Variants in ASB3 observed in about 807,000 individuals in gnomAD.
ASB3 encodes ankyrin repeat and SOCS box containing 3, also known as ankyrin repeat and SOCS box protein 3.
Under a neutral mutation model 54.5 loss-of-function variants are expected in ASB3, and 41 were observed. That is an observed-to-expected ratio of 0.75 (90% CI 0.59 to 0.98). The LOEUF (loss-of-function observed/expected upper bound fraction) is 0.98. ASB3 is among the 50% of genes least tolerant of loss of function. ASB3 has a pLI of 0.00. For missense variants in ASB3, 733 were observed against 620.0 expected (o/e 1.18, Z -1.94); for synonymous variants, 266 against 221.2 (o/e 1.20, Z -1.80).
intron 3 of ASB3, among the ~76,000 whole-genome samples, chr2:53,731,725 T>A (rs1303580820): frequency 6.6e-6 from 1 of 152,062 alleles, no homozygotes; most frequent in Non-Finnish European, 1.5e-5. Flanking sequence ...TGATCTCAGC[T>A]CACTACAACC....
chr2:53,719,156 C>G (rs1330270391), intron 5 of ASB3, among the ~76,000 whole-genome samples: 1 of 152,174 alleles, frequency 6.6e-6, no homozygotes, highest in Non-Finnish European at 1.5e-5. Flanking sequence ...ATCTCTTGAC[C>G]TCGTGATCCA....
At chr2:53,681,538 T>C (rs993649829) in intron 9 of ASB3, among the ~76,000 whole-genome samples, 4 of 152,230 alleles carry the variant, frequency 2.6e-5, no homozygotes, top group Non-Finnish European at 5.9e-5. Flanking sequence ...TTTTTGTATA[T>C]GGCCAGAGAT....
intron 1 of ASB3, among the ~76,000 whole-genome samples, chr2:53,773,312 C>A (rs76450804): frequency 0.016 from 2,342 of 150,170 alleles, 21 homozygotes; most frequent in South Asian, 0.035. Context: ...GATAAAATAT[C>A]TTGCTGTGCC....
chr2:53,723,918 T>C (rs991916283), intron 5 of ASB3, among the ~76,000 whole-genome samples: 20 of 152,198 alleles, frequency 1.3e-4, no homozygotes, highest in African/African-American at 4.1e-4. Flanking sequence ...TCTTTCACTA[T>C]ATACAAAAAT....
At chr2:53,703,706 A>G (rs1400283359) in intron 7 of ASB3, among the ~76,000 whole-genome samples, 3 of 152,224 alleles carry the variant, frequency 2.0e-5, no homozygotes, top group African/African-American at 4.8e-5. Flanking sequence ...TTAGAATACA[A>G]CAGGTCAATA....
At chr2:53,718,953 G>A (rs1248878855) in intron 5 of ASB3, among the ~76,000 whole-genome samples, 5 of 151,982 alleles carry the variant, frequency 3.3e-5, no homozygotes, top group Non-Finnish European at 1.5e-5. Flanking sequence ...ACTGAGTCTC[G>A]CCGTGTCGCC....
intron 7 of ASB3, 94 bp downstream of exon 7, chr2:53,714,290 G>C: frequency 6.9e-7 from 1 of 1,455,828 alleles, no homozygotes; most frequent in South Asian, 1.4e-5. Flanking sequence ...CACTAACAGA[G>C]ATACTAAGTT....
chr2:53,737,220 G>A (rs1671687706), intron 3 of ASB3, among the ~76,000 whole-genome samples: 1 of 152,074 alleles, frequency 6.6e-6, no homozygotes, highest in Admixed American at 6.5e-5. Flanking sequence ...CAAGAGATGA[G>A]CCCATGATCA....
At position 53,670,719 on chromosome 2, in the gene ASB3, C is replaced by G. The variant is rs1558506916; in HGVS notation, c.1370-29G>C. On this transcript the variant is annotated intron_variant, in intron 9 of 9. Coordinates refer to ENST00000263634, the MANE Select transcript of ASB3 (RefSeq NM_016115.5). The stretch of plus-strand genomic sequence containing the variant: ...GAGAAACAAAAAAAGCAAGGTGAAA[C>G]TTTTTTAAACAGAAAGATGTAATAG... The G allele has an allele frequency of 5.0e-6, 8 of 1,584,846 alleles. No individual in the cohort carries two copies. In the Admixed American group the frequency reaches 5.7e-5, roughly 11 times the overall value.
intron 3 of ASB3, among the ~76,000 whole-genome samples, chr2:53,738,864 A>C (rs1266955130): frequency 6.6e-6 from 1 of 152,242 alleles, no homozygotes; most frequent in East Asian, 1.9e-4. Context: ...ATGAAATAAA[A>C]GACCGCATTT....
chr2:53,671,695 G>GAGCAATTAA (rs1553367660), intron 9 of ASB3, among the ~76,000 whole-genome samples: 49 of 145,920 alleles, frequency 3.4e-4, no homozygotes, highest in South Asian at 4.3e-4. Context: ...GGAGGCGGAG[G>GAGCAATTAA]TTGCAGTGAG....
At chr2:53,721,649 A>T (rs543075300) in intron 5 of ASB3, among the ~76,000 whole-genome samples, 94 of 152,248 alleles carry the variant, frequency 6.2e-4, no homozygotes, top group Non-Finnish European at 9.9e-4. Flanking sequence ...AAATCAAAAA[A>T]TTCTTTGAAA....
At chr2:53,768,195 C>G in intron 1 of ASB3, 3 of 725,118 alleles carry the variant, frequency 4.1e-6, no homozygotes, top group Non-Finnish European at 6.5e-6. Context: ...CATCTCTAAC[C>G]CAGCCCGGGC....
chr2:53,759,392 G>A (rs538496543), intron 2 of ASB3, among the ~76,000 whole-genome samples: 14 of 152,254 alleles, frequency 9.2e-5, no homozygotes, highest in South Asian at 8.3e-4. Context: ...CCTCTCTGTC[G>A]CATGACTCTA....
intron 8 of ASB3, among the ~76,000 whole-genome samples, chr2:53,696,654 C>T (rs753689156): frequency 6.6e-6 from 1 of 152,090 alleles, no homozygotes; most frequent in Non-Finnish European, 1.5e-5. Flanking sequence ...CTATAGATAG[C>T]CCTCCACATC....
chr2:53,720,311 G>A (rs1244593713), intron 5 of ASB3, among the ~76,000 whole-genome samples: 1 of 152,024 alleles, frequency 6.6e-6, no homozygotes, highest in Admixed American at 6.5e-5. Flanking sequence ...AACCACTTTG[G>A]GCATATGTTG....
intron 9 of ASB3, among the ~76,000 whole-genome samples, chr2:53,691,803 T>C (rs1249576153): frequency 1.3e-5 from 2 of 152,152 alleles, no homozygotes; most frequent in Non-Finnish European, 2.9e-5. Context: ...CTTACTAAAA[T>C]TCCAGCATTG....
chr2:53,761,837 G>A (rs1673165560), intron 2 of ASB3, among the ~76,000 whole-genome samples: 1 of 152,100 alleles, frequency 6.6e-6, no homozygotes, highest in Non-Finnish European at 1.5e-5. Flanking sequence ...CTACAGAAAT[G>A]GTTAACCATG....
At chr2:53,732,205 T>C in intron 3 of ASB3, among the ~76,000 whole-genome samples, 1 of 140,194 alleles carries the variant, frequency 7.1e-6, no homozygotes, top group Non-Finnish European at 1.6e-5. Flanking sequence ...GTGATCCACC[T>C]CCGCCTCAGC....
Sources: gnomAD v4.1 joint callset for allele counts (sites outside exome capture counted in the v4.1 genomes callset) on GRCh38, gnomAD v4.1.1 for gene constraint, MANE v1.5 for transcripts, NCBI Gene and HGNC (gene_info 2026-07-23, HGNC 2026-07-21) for gene names.